Variants in LY9 observed in about 807,000 individuals in gnomAD.
LY9 encodes the protein lymphocyte antigen 9.
A neutral mutation model predicts 64.6 loss-of-function variants in LY9; 59 were observed. The ratio of observed to expected loss-of-function variants is 0.91; its 90% CI spans 0.74 to 1.13. LY9 has a LOEUF of 1.13. LY9 is among the 50% of genes most tolerant of loss of function. The pLI is 0.00. For synonymous variants in LY9, 281 were observed against 308.5 expected (o/e 0.91, Z 0.93); for missense variants, 789 against 797.2 (o/e 0.99, Z 0.12).
At chr1:160,798,141 C>T (rs1477945921) in intron 1 of LY9, among the ~76,000 whole-genome samples, 1 of 152,118 alleles carries the variant, frequency 6.6e-6, no homozygotes, top group Non-Finnish European at 1.5e-5. Flanking sequence ...ACATCCTGCC[C>T]CCTCCACTGA....
intron 5 of LY9, among the ~76,000 whole-genome samples, chr1:160,817,667 C>T (rs1437667347): frequency 6.6e-6 from 1 of 152,146 alleles, no homozygotes; most frequent in African/African-American, 2.4e-5. Flanking sequence ...TCTCGTTTTT[C>T]CCCTTTATAT....
chr1:160,814,045 C>T (rs1249341678), intron 3 of LY9, 134 bp downstream of exon 3: 8 of 924,788 alleles, frequency 8.7e-6, no homozygotes, highest in African/African-American at 1.7e-5. Flanking sequence ...ACCCCTTATT[C>T]TCTACTCTCA....
At position 160,827,651 on chromosome 1, in the gene LY9, T is replaced by C. The variant is rs1446671977; in HGVS notation, c.1900-97T>C. On this transcript the variant is annotated intron_variant, in intron 9 of 9. Transcript: ENST00000263285. The stretch of plus-strand genomic sequence containing the variant: ...CACATATGACTCTACTTCTGTAGGA[T>C]GGACCAGTCATAGCCTGGCCTTGCC... 5 of 895,272 alleles carry C rather than the reference T, an allele frequency of 5.6e-6. No homozygotes were observed. The African/African-American group carries it at 6.7e-5, about 12-fold the overall frequency. 55.5% of individuals were successfully genotyped at this position (895,272 alleles called of 1,614,324 possible).
At chr1:160,823,839 C>T in intron 8 of LY9, 43 bp downstream of exon 8, 1 of 1,462,602 alleles carries the variant, frequency 6.8e-7, no homozygotes, top group Non-Finnish European at 9.5e-7. Flanking sequence ...CCTCCCATGT[C>T]TAGCGGCATC....
intron 1 of LY9, among the ~76,000 whole-genome samples, chr1:160,797,874 C>T (rs1666043836): frequency 1.3e-5 from 2 of 152,024 alleles, no homozygotes; most frequent in Non-Finnish European, 2.9e-5. Flanking sequence ...CACACACACA[C>T]ACACACACAC....
rs761555553 is a variant in LY9, at chr1:160,799,789, T to A, written c.161T>A (p.Val54Glu). The change falls in exon 2 of 10, where the codon GTG (valine) becomes GAG (glutamate). Residue 54 changes from valine to glutamate, a missense_variant. By Grantham distance (121) the Val-to-Glu change is moderately radical. Transcript: ENST00000263285. ...TCTGGAAAGGACTCAGCCCCAACAG[T>A]GGTGTCAGGGATCCTAGGGGGTTCC... The part of the protein sequence containing the change: ...RASGKDSAPT[V>E]VSGILGGSVT... 85 of 1,613,758 alleles carry A rather than the reference T, an allele frequency of 5.3e-5. No homozygotes were observed. In the East Asian group the frequency reaches 1.9e-3, roughly 36 times the overall value.
At chr1:160,824,979 CA>C (rs60603957) in intron 9 of LY9, among the ~76,000 whole-genome samples, 4,381 of 59,372 alleles carry the variant, frequency 0.074, 145 homozygotes, top group African/African-American at 0.19. Flanking sequence ...GACTCCATCT[CA>C]AAAAAAAAAA....
intron 2 of LY9, among the ~76,000 whole-genome samples, chr1:160,807,826 A>C (rs889948770): frequency 3.9e-5 from 6 of 152,148 alleles, no homozygotes; most frequent in African/African-American, 1.2e-4. Flanking sequence ...TGGGTTGGGC[A>C]ATCCCCAAGA....
intron 1 of LY9, 183 bp from the exon 2 acceptor site, chr1:160,799,570 T>C: frequency 3.6e-6 from 2 of 563,338 alleles, no homozygotes; most frequent in Non-Finnish European, 6.3e-6. Flanking sequence ...AGGGAGACAG[T>C]GTTTGGGGAA....
rs911415237 is a variant in LY9, at chr1:160,828,061, G to T, written c.*245G>T. The T allele has an allele frequency of 4.4e-5, 14 of 318,342 alleles. No individual in the cohort carries two copies. The highest frequency in any genetic ancestry group is 7.0e-5 in the Non-Finnish European group (12 of 172,026). The allele number at this position is 318,342 out of a possible 1,614,324, so 19.7% of individuals were successfully genotyped here. On this transcript the variant is annotated 3_prime_UTR_variant, in exon 10 of 10. Transcript: ENST00000263285. ...ATGTCTTTGCCCCATTTGTCACCTC[G>T]CACACTTATAGCGTTTCCTCCTCGA...
chr1:160,800,551 A>T (rs1183707152), intron 2 of LY9, among the ~76,000 whole-genome samples: 1 of 151,680 alleles, frequency 6.6e-6, no homozygotes. Flanking sequence ...ATGGATTTTT[A>T]AATTGTTTAA....
At chr1:160,814,344 G>A (rs1005760863) in intron 3 of LY9, 76 bp from the exon 4 acceptor site, 6 of 1,140,450 alleles carry the variant, frequency 5.3e-6, no homozygotes, top group Middle Eastern at 5.7e-4. Flanking sequence ...AGTCCCCTCA[G>A]TCCCCTTTAG....
chr1:160,826,027 AACT>A (rs571252986), intron 9 of LY9, among the ~76,000 whole-genome samples: 32 of 152,328 alleles, frequency 2.1e-4, no homozygotes, highest in African/African-American at 7.7e-4. Flanking sequence ...TCCAGAACTT[AACT>A]ACTAACAGCC....
intron 2 of LY9, among the ~76,000 whole-genome samples, chr1:160,807,134 T>C (rs1302070388): frequency 6.6e-6 from 1 of 152,222 alleles, no homozygotes; most frequent in African/African-American, 2.4e-5. Flanking sequence ...TATCCAAAAT[T>C]GTTTTTCTGA....
At chr1:160,813,508 T>A in intron 2 of LY9, 128 bp from the exon 3 acceptor site, 1 of 838,898 alleles carries the variant, frequency 1.2e-6, no homozygotes, top group South Asian at 1.7e-5. Flanking sequence ...AGAGAAGATG[T>A]CCCTGCGACA....
At chr1:160,796,339 T>C (rs1321958724) in intron 1 of LY9, 28 bp downstream of exon 1, 2 of 1,604,860 alleles carry the variant, frequency 1.2e-6, no homozygotes, top group Non-Finnish European at 8.5e-7. Flanking sequence ...CCACCACTTC[T>C]TGCTACTGCG....
intron 1 of LY9, 123 bp downstream of exon 1, chr1:160,796,434 C>A: frequency 2.4e-6 from 3 of 1,234,582 alleles, no homozygotes; most frequent in Non-Finnish European, 2.2e-6. Flanking sequence ...CACTCTGTTG[C>A]CAGGCTGGAG....
At position 160,823,673 on chromosome 1, in the gene LY9, G is replaced by A; in HGVS notation, c.1707G>A (p.Glu569=). ...RYEVFDQVTQ[E]GAGHDPAPEG... is the part of the protein sequence containing the mutation. The stretch of plus-strand genomic sequence containing the variant: ...AGGTATTTGACCAGGTCACTCAGGA[G>A]GGCGCTGGACATGACCCAGCCCCTG... Residue 569 remains glutamate, a synonymous_variant, in exon 8 of 10, where the codon GAG becomes GAA. Coordinates refer to ENST00000263285, the MANE Select transcript of LY9 (RefSeq NM_002348.4). 6.2e-7 allele frequency: 1 copy of A among 1,614,112 alleles called. No homozygotes were observed. Among genetic ancestry groups the A allele is most frequent in the Non-Finnish European group, 8.5e-7 (1 of 1,179,970 alleles).
In LY9 at chr1:160,823,535, G is replaced by A. The variant is rs1391520825; in HGVS notation, c.1569G>A (p.Arg523=). The part of the protein sequence containing the change: ...QGYEKLDTPL[R]PARQQPTPTS... ...ATGAGAAGCTGGACACTCCCCTCAG[G>A]CCTGCCAGGCAACAGCCTACACCCA... The change falls in exon 8 of 10, where the codon AGG becomes AGA. Residue 523 remains arginine, a synonymous_variant. Transcript: ENST00000263285. 3 of 1,614,054 alleles carry A rather than the reference G, an allele frequency of 1.9e-6. No individual in the cohort carries two copies. The highest frequency in any genetic ancestry group is 1.3e-5 in the African/African-American group (1 of 74,910).
Sources: gnomAD v4.1 joint callset for allele counts (sites outside exome capture counted in the v4.1 genomes callset) on GRCh38, gnomAD v4.1.1 for gene constraint, MANE v1.5 for transcripts, NCBI Gene and HGNC (gene_info 2026-07-23, HGNC 2026-07-21) for gene names.